Variants in PTPRN2 observed in about 807,000 individuals in gnomAD.
The protein encoded by PTPRN2 is receptor-type tyrosine-protein phosphatase N2.
Under a neutral mutation model 118.8 loss-of-function variants are expected in PTPRN2, and 74 were observed. That is an observed-to-expected ratio of 0.62 (90% CI 0.52 to 0.76). The LOEUF is 0.76. PTPRN2 is among the 30% of genes least tolerant of loss of function. PTPRN2 has a pLI of 0.00. For synonymous variants in PTPRN2, 641 were observed against 608.0 expected, an observed-to-expected ratio of 1.05 and a Z score of -0.80; for missense variants, 1,481 against 1,394.4, an observed-to-expected ratio of 1.06 and a Z score of -0.99.
chr7:158,169,867 T>G (rs1464146803), intron 5 of PTPRN2, among the ~76,000 whole-genome samples: 3 of 147,162 alleles, frequency 2.0e-5, no homozygotes, highest in Non-Finnish European at 4.5e-5. Flanking sequence ...AATTTTTGTG[T>G]TTTTAGTAGA....
intron 2 of PTPRN2, among the ~76,000 whole-genome samples, chr7:158,393,672 G>C (rs572855595): frequency 2.2e-4 from 33 of 152,248 alleles, no homozygotes; most frequent in Non-Finnish European, 4.0e-4. Context: ...AGCTTAGTGG[G>C]GGATGCTTCC....
At chr7:157,649,042 G>A (rs1439225446) in intron 14 of PTPRN2, among the ~76,000 whole-genome samples, 3 of 128,722 alleles carry the variant, frequency 2.3e-5, no homozygotes, top group African/African-American at 5.9e-5. Flanking sequence ...TCGGTGGGTT[G>A]GACCCATCCA....
chr7:158,502,192 T>G (rs1000304634), intron 1 of PTPRN2, among the ~76,000 whole-genome samples: 4 of 152,228 alleles, frequency 2.6e-5, no homozygotes, highest in African/African-American at 9.6e-5. Flanking sequence ...CACTGCCATA[T>G]GTTTCTGTAT....
At chr7:157,663,120 C>T (rs768909707) in intron 13 of PTPRN2, among the ~76,000 whole-genome samples, 14 of 151,932 alleles carry the variant, frequency 9.2e-5, no homozygotes, top group South Asian at 2.1e-4. Flanking sequence ...TTCTGCAGCC[C>T]GAGCTCCACC....
intron 3 of PTPRN2, among the ~76,000 whole-genome samples, chr7:158,235,900 C>T (rs904051414): frequency 6.6e-6 from 1 of 151,312 alleles, no homozygotes; most frequent in African/African-American, 2.5e-5. Flanking sequence ...TCTAGAGAGC[C>T]CATTTTTCTA....
At chr7:157,579,604 C>T (rs1482593890) in intron 17 of PTPRN2, among the ~76,000 whole-genome samples, 1 of 152,226 alleles carries the variant, frequency 6.6e-6, no homozygotes, top group Non-Finnish European at 1.5e-5. Flanking sequence ...CATTACAGAG[C>T]CCCGTCGACT....
rs1802891022 is a variant in PTPRN2 at position 157,617,808 on chromosome 7, G to A, written c.2344+3554C>T. ...CTCCTTGCTGTCTTCCTGTCCCTGA[G>A]CCTTCAGCTCTTCGTTGTCTCTGTC... On this transcript the variant is annotated intron_variant, in intron 15 of 22. Transcript: ENST00000389418. The surrounding 1 kb of genome is among the most constrained non-coding windows in gnomAD (Gnocchi z 7.5). The A allele has an allele frequency of 6.6e-6, 1 of 152,306 alleles. No individual in the cohort carries two copies. Among genetic ancestry groups the A allele is most frequent in the Middle Eastern group, 3.2e-3 (1 of 316 alleles). 9.4% of individuals were successfully genotyped at this position (152,306 alleles called of 1,614,324 possible).
rs1045485066 is a variant in PTPRN2, at chr7:157,831,447, G to C, written c.1788+67226C>G. On this transcript the variant is annotated intron_variant, in intron 12 of 22. Coordinates refer to ENST00000389418, the MANE Select transcript of PTPRN2 (RefSeq NM_002847.5). The surrounding 1 kb of genome is among the most constrained non-coding windows in gnomAD (Gnocchi z 4.8). ...TCCAGGGAAGAGCAGGGCAGGGCTG[G>C]GTGCATTTGGAGTTGCCCTGGGGCT... 5.9e-5 allele frequency among the ~76,000 whole-genome samples: 9 copies of C among 152,208 alleles called. No homozygotes were observed. Among genetic ancestry groups the C allele is most frequent in the Non-Finnish European group, 1.2e-4 (8 of 68,028 alleles).
At chr7:158,196,748 T>C (rs1826244708) in intron 4 of PTPRN2, among the ~76,000 whole-genome samples, 1 of 152,174 alleles carries the variant, frequency 6.6e-6, no homozygotes, top group Non-Finnish European at 1.5e-5. Flanking sequence ...GAAAGGCGAC[T>C]ATAGATTTCT....
intron 10 of PTPRN2, among the ~76,000 whole-genome samples, chr7:158,082,904 C>T (rs1194557409): frequency 1.3e-5 from 2 of 152,186 alleles, no homozygotes; most frequent in Non-Finnish European, 1.5e-5. Flanking sequence ...GCCCAGGCCC[C>T]AGGCCTGTCT....
chr7:157,834,898 G>A (rs556797695), intron 12 of PTPRN2, among the ~76,000 whole-genome samples: 2 of 152,342 alleles, frequency 1.3e-5, no homozygotes, highest in South Asian at 4.1e-4. Flanking sequence ...GGATTTTCCT[G>A]CAGCTGTGAA....
In PTPRN2 at chr7:158,261,136, G is replaced by A. The variant is rs578099293; in HGVS notation, c.277+55683C>T. 5.9e-5 allele frequency among the ~76,000 whole-genome samples: 9 copies of A among 152,232 alleles called. No individual in the cohort carries two copies. In the South Asian group the frequency reaches 8.3e-4, roughly 14 times the overall value. ...CAGCGTCAGCAACAGTGCCCATCCC[G>A]AGCTCTTTCCCAGCGCACCCCAGGA... On this transcript the variant is annotated intron_variant, in intron 3 of 22. Coordinates refer to ENST00000389418, the MANE Select transcript of PTPRN2 (RefSeq NM_002847.5).
chr7:158,085,514 T>C (rs1278971653), intron 10 of PTPRN2, among the ~76,000 whole-genome samples: 3 of 99,906 alleles, frequency 3.0e-5, no homozygotes, highest in Non-Finnish European at 5.8e-5. Flanking sequence ...ATGACGCCCA[T>C]CCACACAGAT....
intron 8 of PTPRN2, among the ~76,000 whole-genome samples, chr7:158,135,772 A>C (rs1818751638): frequency 6.6e-6 from 1 of 152,202 alleles, no homozygotes; most frequent in African/African-American, 2.4e-5. Flanking sequence ...AGAACTGCTG[A>C]TGTTTTCTTC....
chr7:158,005,923 G>T (rs748619074), intron 11 of PTPRN2, among the ~76,000 whole-genome samples: 7 of 152,228 alleles, frequency 4.6e-5, no homozygotes, highest in Non-Finnish European at 1.0e-4. Context: ...AACTCTATGG[G>T]ATCATGAAGG....
Position 158,306,277 on chromosome 7 carries a change from C to T in PTPRN2, c.277+10542G>A, listed in dbSNP as rs1003652211. ...ACAGGTGCTTTGCAAAGCTCTGACA[C>T]GATCCTTGGAATATGGATGGCCACA... is the stretch of plus-strand genomic sequence containing the variant. On this transcript the variant is annotated intron_variant, in intron 3 of 22. Transcript: ENST00000389418. Among the ~76,000 whole-genome samples, 6 of 152,186 alleles carry T rather than the reference C, an allele frequency of 3.9e-5. 1 individual carries two copies. The highest frequency in any genetic ancestry group is 3.8e-4 in the East Asian group (2 of 5,202).
intron 6 of PTPRN2, among the ~76,000 whole-genome samples, chr7:158,159,956 T>C (rs1822211770): frequency 6.6e-6 from 1 of 152,114 alleles, no homozygotes; most frequent in Admixed American, 6.5e-5. Flanking sequence ...TATCTGAATA[T>C]CAAAATCTCT....
intron 9 of PTPRN2, among the ~76,000 whole-genome samples, chr7:158,122,928 T>C (rs1817291365): frequency 6.6e-6 from 1 of 151,908 alleles, no homozygotes; most frequent in Admixed American, 6.6e-5. Flanking sequence ...GCCTCTTCCT[T>C]GTGGGCCAGA....
intron 12 of PTPRN2, among the ~76,000 whole-genome samples, chr7:157,753,342 T>C (rs1801593745): frequency 6.6e-6 from 1 of 152,162 alleles, no homozygotes; most frequent in Non-Finnish European, 1.5e-5. Context: ...AGACCCTTCA[T>C]CGGGAAAGTT....
Sources: gnomAD v4.1 joint callset for allele counts (sites outside exome capture counted in the v4.1 genomes callset) on GRCh38, gnomAD v4.1.1 for gene constraint, Gnocchi (gnomAD v3.1) non-coding constraint, MANE v1.5 for transcripts, NCBI Gene and HGNC (gene_info 2026-07-23, HGNC 2026-07-21) for gene names.